The following L2HGDH variants were observed in gnomAD, a reference collection of about 807,000 sequenced individuals.
L2HGDH encodes L-2-hydroxyglutarate dehydrogenase, mitochondrial.
A neutral mutation model predicts 51.5 loss-of-function variants in L2HGDH; 34 were observed. The observed-to-expected ratio is 0.66, with a 90% CI of 0.50 to 0.88. L2HGDH has a LOEUF of 0.88. Ranked by LOEUF, L2HGDH falls within the 40% of genes least tolerant of loss-of-function variation. The pLI is 0.00. For missense variants in L2HGDH, 558 were observed against 571.9 expected (o/e 0.98, Z 0.25); for synonymous variants, 198 against 197.9 (o/e 1.00, Z -0.01).
rs1376058341 is a variant in L2HGDH at position 50,244,560 on chromosome 14, T to C, written c.*2498A>G. 1.0e-5 allele frequency: 10 copies of C among 985,334 alleles called. No individual in the cohort carries two copies. Among genetic ancestry groups the C allele is most frequent in the Admixed American group, 6.2e-5 (1 of 16,260 alleles). 61.0% of individuals were successfully genotyped at this position (985,334 alleles called of 1,614,324 possible). A position where few individuals can be genotyped will look rare whatever the true frequency, so the allele number is the denominator to read the frequency against. ...CATTTCTTGCAGGAATCAGCTGTTATAAAGAAACATTAGGGCTTGTTTCTT... is the reference window on the plus strand; with the variant it reads ...CATTTCTTGCAGGAATCAGCTGTTACAAAGAAACATTAGGGCTTGTTTCTT... On this transcript the variant is annotated 3_prime_UTR_variant, in exon 10 of 10. Transcript: ENST00000267436.
In L2HGDH at chr14:50,302,111, G is replaced by T. The variant is rs1212943176; in HGVS notation, c.314C>A (p.Pro105His). 1.2e-6 allele frequency: 2 copies of T among 1,613,988 alleles called. No individual in the cohort carries two copies. Among genetic ancestry groups the T allele is most frequent in the Admixed American group, 1.7e-5 (1 of 60,000 alleles). Residue 105 changes from proline to histidine, a missense_variant, in exon 3 of 10, where the codon CCT (proline) becomes CAT (histidine). Physicochemically the swap from Pro to His is moderately conservative, Grantham distance 77. Transcript: ENST00000267436. ...ACATAATTTGGCTTTCAGAGACTCA[G>T]GTTTATAATAAATTCCACTATGTAT... Reference protein sequence around the residue: ...GVIHSGIYYKPESLKAKLCVQ... With the variant: ...GVIHSGIYYKHESLKAKLCVQ...
chr14:50,259,366 G>GGTTTTTTTTT, intron 9 of L2HGDH, among the ~76,000 whole-genome samples: 1 of 130,696 alleles, frequency 7.7e-6, no homozygotes, highest in Non-Finnish European at 1.6e-5. Context: ...TTCTTTTTCG[G>GGTTTTTTTTT]TTTTTTTTTT....
chr14:50,303,207 A>C (rs1259893344), intron 1 of L2HGDH, among the ~76,000 whole-genome samples, 190 bp from the exon 2 acceptor site: 1 of 151,724 alleles, frequency 6.6e-6, no homozygotes, highest in Non-Finnish European at 1.5e-5. Context: ...GCGGATCACG[A>C]GGTCAAGAGA....
chr14:50,269,727 T>A (rs1376204120), intron 6 of L2HGDH, among the ~76,000 whole-genome samples: 2 of 152,134 alleles, frequency 1.3e-5, no homozygotes, highest in African/African-American at 4.8e-5. Flanking sequence ...ACCAATTTTT[T>A]TTGCTCCCCC....
chr14:50,295,824 T>C (rs556312416), intron 3 of L2HGDH, among the ~76,000 whole-genome samples: 3 of 151,190 alleles, frequency 2.0e-5, no homozygotes, highest in Admixed American at 2.0e-4. Context: ...CTGCAACCTC[T>C]GCGTCCCAGG....
intron 5 of L2HGDH, among the ~76,000 whole-genome samples, chr14:50,283,478 C>A (rs1890388868): frequency 6.6e-6 from 1 of 152,050 alleles, no homozygotes; most frequent in African/African-American, 2.4e-5. Flanking sequence ...ACCAGCACTA[C>A]CCCCTAAAAT....
chr14:50,254,473 T>C (rs1034403751), intron 9 of L2HGDH, among the ~76,000 whole-genome samples: 2 of 152,080 alleles, frequency 1.3e-5, no homozygotes, highest in Non-Finnish European at 2.9e-5. Context: ...GTATACTATT[T>C]ATAGTTTATC....
chr14:50,289,122 A>G (rs980496005), intron 4 of L2HGDH, among the ~76,000 whole-genome samples: 1 of 152,138 alleles, frequency 6.6e-6, no homozygotes, highest in African/African-American at 2.4e-5. Context: ...ACAGCCTCCT[A>G]ATTTCTTAAT....
chr14:50,272,031 C>G (rs1889724524), intron 6 of L2HGDH, among the ~76,000 whole-genome samples: 2 of 152,194 alleles, frequency 1.3e-5, no homozygotes, highest in Non-Finnish European at 2.9e-5. Flanking sequence ...ATCCCAGCTA[C>G]TCATGTGGCT....
intron 9 of L2HGDH, among the ~76,000 whole-genome samples, chr14:50,253,608 C>G (rs1297179763): frequency 2.6e-5 from 4 of 152,080 alleles, no homozygotes; most frequent in South Asian, 2.1e-4. Flanking sequence ...AGTACAACCA[C>G]TGTGGCCAAT....
intron 6 of L2HGDH, among the ~76,000 whole-genome samples, chr14:50,269,843 T>C (rs1333618615): frequency 6.6e-6 from 1 of 152,192 alleles, no homozygotes; most frequent in Non-Finnish European, 1.5e-5. Context: ...CAAAACTTCC[T>C]ACATTAAAAA....
intron 9 of L2HGDH, among the ~76,000 whole-genome samples, chr14:50,251,864 A>G (rs948612426): frequency 1.3e-5 from 2 of 152,160 alleles, no homozygotes; most frequent in Admixed American, 6.6e-5. Context: ...AAGAAATACT[A>G]AAGAGAGTTC....
At chr14:50,285,344 T>G (rs1426140801) in intron 4 of L2HGDH, among the ~76,000 whole-genome samples, 6 of 152,246 alleles carry the variant, frequency 3.9e-5, no homozygotes, top group African/African-American at 1.2e-4. Context: ...CAACAGTCTC[T>G]TTTTTAACAA....
intron 5 of L2HGDH, among the ~76,000 whole-genome samples, chr14:50,279,608 G>C (rs1401265829): frequency 6.6e-6 from 1 of 151,804 alleles, no homozygotes; most frequent in African/African-American, 2.4e-5. Flanking sequence ...GGGAGGCCAA[G>C]GTGGGCAGGT....
intron 6 of L2HGDH, among the ~76,000 whole-genome samples, chr14:50,269,791 CA>C (rs1277909943): frequency 1.3e-5 from 2 of 152,076 alleles, no homozygotes; most frequent in African/African-American, 2.4e-5. Flanking sequence ...ATACCAATCA[CA>C]AATATGAGGA....
In L2HGDH at chr14:50,245,181, G is replaced by A; in HGVS notation, c.*1877C>T. ...AAAATATCCCTATACAAGTTTATAG[G>A]AGCCCTGAAAAATCAAGTACGTATG... On this transcript the variant is annotated 3_prime_UTR_variant, in exon 10 of 10. Transcript: ENST00000267436. 1.0e-6 allele frequency: 1 copy of A among 985,430 alleles called. No homozygotes were observed. The highest frequency in any genetic ancestry group is 1.2e-6 in the Non-Finnish European group (1 of 829,868). 61.0% of individuals were successfully genotyped at this position (985,430 alleles called of 1,614,324 possible). A position where few individuals can be genotyped will look rare whatever the true frequency, so the allele number is the denominator to read the frequency against.
chr14:50,276,068 CACA>C (rs1357490904), intron 6 of L2HGDH, among the ~76,000 whole-genome samples: 1 of 152,168 alleles, frequency 6.6e-6, no homozygotes, highest in African/African-American at 2.4e-5. Context: ...GAGTTGCTAC[CACA>C]ACTAGGCTTG....
rs191851244 is a variant in L2HGDH at position 50,310,768 on chromosome 14, C to T, written c.140+1243G>A. Among the ~76,000 whole-genome samples the T allele has an allele frequency of 4.6e-5, 7 of 152,034 alleles. No homozygotes were observed. In the East Asian group the frequency reaches 1.2e-3, roughly 25 times the overall value. On this transcript the variant is annotated intron_variant, in intron 1 of 9. Coordinates refer to ENST00000267436, the MANE Select transcript of L2HGDH (RefSeq NM_024884.3). Reference sequence around the variant, plus strand: ...CTTTCACTAGCCCTACTTTTCTTTCCTTAAGAAAAGCTTCCCAAAAGAACT... The same window carrying T: ...CTTTCACTAGCCCTACTTTTCTTTCTTTAAGAAAAGCTTCCCAAAAGAACT...
chr14:50,302,923 G>T lies in L2HGDH; in HGVS notation c.235C>A (p.Leu79Met). The T allele has an allele frequency of 6.2e-7, 1 of 1,613,010 alleles. No homozygotes were observed. Among genetic ancestry groups the T allele is most frequent in the South Asian group, 1.1e-5 (1 of 91,054 alleles). ...ATACCTAAATCTTTCTCCTTTTCCA[G>T]AACACCAATAGAAAGTGATGGATGT... Reference protein sequence around the residue: ...LRHPSLSIGVLEKEKDLAVHQ... With the variant: ...LRHPSLSIGVMEKEKDLAVHQ... The change falls in exon 2 of 10, where the codon CTG becomes ATG. Residue 79 changes from leucine (L) to methionine (M), a missense_variant. Leu to Met is a conservative substitution (Grantham distance 15, BLOSUM62 2). Transcript: ENST00000267436.
Sources: gnomAD v4.1 joint callset for allele counts (sites outside exome capture counted in the v4.1 genomes callset) on GRCh38, gnomAD v4.1.1 for gene constraint, MANE v1.5 for transcripts, NCBI Gene and HGNC (gene_info 2026-07-23, HGNC 2026-07-21) for gene names.